The following GPAT3 variants were observed in gnomAD, a reference collection of about 807,000 sequenced individuals.
GPAT3 encodes the protein 1-AGP acyltransferase 9.
In GPAT3, 53 loss-of-function variants were observed where a neutral mutation model predicts 58.8. The observed-to-expected ratio is 0.90, with a 90% CI of 0.72 to 1.13. The LOEUF (loss-of-function observed/expected upper bound fraction) is 1.13. Ranked by LOEUF, GPAT3 falls within the 50% of genes most tolerant of loss-of-function variation. GPAT3 has a pLI of 0.00. For synonymous variants in GPAT3, 197 were observed against 187.4 expected, an observed-to-expected ratio of 1.05 and a Z score of -0.42; for missense variants, 511 against 527.6, an observed-to-expected ratio of 0.97 and a Z score of 0.31.
At chr4:83,567,179 T>C (rs1725429817) in intron 2 of GPAT3, among the ~76,000 whole-genome samples, 1 of 152,188 alleles carries the variant, frequency 6.6e-6, no homozygotes, top group African/African-American at 2.4e-5. Context: ...TGCTGGCTGA[T>C]ACTCCCTGCA....
At chr4:83,595,206 A>T in intron 7 of GPAT3, 1 of 299,080 alleles carries the variant, frequency 3.3e-6, no homozygotes. Context: ...ACTTAGATAT[A>T]GTCCAGTCAC....
chr4:83,540,111 C>T (rs1724239917), intron 1 of GPAT3, among the ~76,000 whole-genome samples: 1 of 147,826 alleles, frequency 6.8e-6, no homozygotes, highest in African/African-American at 2.5e-5. Flanking sequence ...GAGCCAAGAT[C>T]ACGCCACTGC....
intron 6 of GPAT3, among the ~76,000 whole-genome samples, chr4:83,592,285 C>G (rs534162340): frequency 6.6e-6 from 1 of 152,274 alleles, no homozygotes; most frequent in African/African-American, 2.4e-5. Flanking sequence ...TAACTGTAAA[C>G]TGTCCAGTGG....
At chr4:83,535,889 G>A, upstream of GPAT3, 1 of 985,542 alleles carries the variant, frequency 1.0e-6, no homozygotes, top group Non-Finnish European at 1.2e-6. Context: ...TCATTCTGCG[G>A]GTGAAGAAAA....
rs369674152 is a variant in GPAT3, at chr4:83,567,669, A to C, written c.209-13893A>C. Among the ~76,000 whole-genome samples the C allele has an allele frequency of 2.2e-4, 33 of 152,230 alleles. No homozygotes were observed. In the East Asian group the frequency reaches 6.0e-3, roughly 28 times the overall value. ...AGGTCTGGGCCAGGAGTGGTGGCTT[A>C]TGCCTGTAATCCTAGCACTTTGGGA... On this transcript the variant is annotated intron_variant, in intron 2 of 11. Coordinates refer to ENST00000264409, the MANE Select transcript of GPAT3 (RefSeq NM_032717.5).
Position 83,596,908 on chromosome 4 carries a change from C to A in GPAT3, c.905C>A (p.Pro302His). ...DKKKLPILIF[P>H]EGTCINNTSV... ...AAGAAACTACCCATACTAATTTTTCCTGAAGGTAAGAATGGGCCTGCCTCC... is the reference window on the plus strand; with the variant it reads ...AAGAAACTACCCATACTAATTTTTCATGAAGGTAAGAATGGGCCTGCCTCC... The change falls in exon 8 of 12, where the codon CCT becomes CAT. Residue 302 changes from proline (P) to histidine (H), a missense_variant. Physicochemically the swap from Pro to His is moderately conservative, Grantham distance 77 (BLOSUM62 -2). Transcript: ENST00000264409. The A allele has an allele frequency of 1.2e-6, 2 of 1,600,198 alleles. No homozygotes were observed. The highest frequency in any genetic ancestry group is 1.7e-6 in the Non-Finnish European group (2 of 1,176,118).
rs1727222860 is a variant in GPAT3 at position 83,605,569 on chromosome 4, G to T, written c.*802G>T. On this transcript the variant is annotated 3_prime_UTR_variant, in exon 12 of 12. Coordinates refer to ENST00000264409, the MANE Select transcript of GPAT3 (RefSeq NM_032717.5). ...CCTTAAAAAAAAAAAATCACATTGA[G>T]TAACTTCAGTATGAATGAATGAGAG... 6.6e-6 allele frequency: 1 copy of T among 151,926 alleles called. No individual in the cohort carries two copies. Among genetic ancestry groups the T allele is most frequent in the South Asian group, 2.1e-4 (1 of 4,814 alleles). 9.4% of individuals were successfully genotyped at this position (151,926 alleles called of 1,614,324 possible). A position where few individuals can be genotyped will look rare whatever the true frequency, so the allele number is the denominator to read the frequency against.
Position 83,597,531 on chromosome 4 carries a change from TA to T in GPAT3, c.996+18del. The T allele has an allele frequency of 1.4e-6, 2 of 1,396,910 alleles. No individual in the cohort carries two copies. The highest frequency in any genetic ancestry group is 1.9e-6 in the Non-Finnish European group (2 of 1,025,810). 86.5% of individuals were successfully genotyped at this position (1,396,910 alleles called of 1,614,324 possible). A position where few individuals can be genotyped will look rare whatever the true frequency, so the allele number is the denominator to read the frequency against. Reference sequence around the variant, plus strand: ...TGCAATTAAGGTAAAACAGATACCATAATAAGAATAATAATTATTATAAAGA... The same window carrying T: ...TGCAATTAAGGTAAAACAGATACCATATAAGAATAATAATTATTATAAAGA... On this transcript the variant is annotated intron_variant, in intron 9 of 11. Transcript: ENST00000264409.
Position 83,543,227 on chromosome 4 carries a change from G to A in GPAT3, c.142-1309G>A, listed in dbSNP as rs968757384. ...AGGTGGGAGGATTGCTTCAGCCTGG[G>A]AGGTCAAGGCAGCAGCAAGCCCCTG... On this transcript the variant is annotated intron_variant, in intron 1 of 11. Coordinates refer to ENST00000264409, the MANE Select transcript of GPAT3 (RefSeq NM_032717.5). 2.0e-5 allele frequency among the ~76,000 whole-genome samples: 3 copies of A among 151,968 alleles called. No homozygotes were observed. In the East Asian group the frequency reaches 5.8e-4, roughly 29 times the overall value.
At chr4:83,551,995 A>G (rs1724773965) in intron 2 of GPAT3, among the ~76,000 whole-genome samples, 2 of 152,132 alleles carry the variant, frequency 1.3e-5, no homozygotes, top group Non-Finnish European at 1.5e-5. Context: ...GACAGTTAGA[A>G]CTAGTTATAT....
rs566517372 is a variant in GPAT3, at chr4:83,561,177, C to T, written c.208+16575C>T. Among the ~76,000 whole-genome samples, 75 of 152,254 alleles carry T rather than the reference C, an allele frequency of 4.9e-4. 3 individuals carry two copies. In the South Asian group the frequency reaches 0.015, roughly 31 times the overall value. ...ATGATTTCTAACATCCTTTTGCAAC[C>T]AGCAGTACTCTCTTGGTTTAAGTGG... On this transcript the variant is annotated intron_variant, in intron 2 of 11. Coordinates refer to ENST00000264409, the MANE Select transcript of GPAT3 (RefSeq NM_032717.5).
chr4:83,583,646 G>A (rs1187364132), intron 3 of GPAT3, among the ~76,000 whole-genome samples: 1 of 111,372 alleles, frequency 9.0e-6, no homozygotes, highest in Non-Finnish European at 1.7e-5. Flanking sequence ...CAGCCTGGGT[G>A]ACAGAGCGAG....
chr4:83,550,629 T>A (rs1724717935), intron 2 of GPAT3, among the ~76,000 whole-genome samples: 1 of 152,232 alleles, frequency 6.6e-6, no homozygotes, highest in Non-Finnish European at 1.5e-5. Context: ...AATGCTATTA[T>A]CCCTTTAGCA....
At chr4:83,593,157 G>A (rs1225708669) in intron 6 of GPAT3, among the ~76,000 whole-genome samples, 2 of 104,780 alleles carry the variant, frequency 1.9e-5, no homozygotes, top group East Asian at 6.6e-4. Flanking sequence ...GTGAGCCACC[G>A]AGCCAGGACT....
intron 2 of GPAT3, among the ~76,000 whole-genome samples, chr4:83,574,560 G>C (rs1725715843): frequency 7.0e-6 from 1 of 142,608 alleles, no homozygotes. Flanking sequence ...AGCATTTGGT[G>C]TAAGAACAAA....
intron 4 of GPAT3, among the ~76,000 whole-genome samples, chr4:83,587,670 CT>C (rs1726429806): frequency 1.3e-5 from 2 of 152,180 alleles, no homozygotes; most frequent in African/African-American, 2.4e-5. Flanking sequence ...TTGTGATTTG[CT>C]TTCCTTGGCC....
At chr4:83,590,546 C>G (rs1233916887) in intron 6 of GPAT3, among the ~76,000 whole-genome samples, 1 of 152,148 alleles carries the variant, frequency 6.6e-6, no homozygotes, top group East Asian at 1.9e-4. Context: ...CTTAATAGGA[C>G]CTTGTAAAGT....
Position 83,571,719 on chromosome 4 carries a change from CACACAT to C in GPAT3, c.209-9841_209-9836del, listed in dbSNP as rs1560616370. Among the ~76,000 whole-genome samples, 12 of 101,962 alleles carry C rather than the reference CACACAT, an allele frequency of 1.2e-4. No individual in the cohort carries two copies. In the East Asian group the frequency reaches 2.0e-3, roughly 17 times the overall value. 66.9% of individuals were successfully genotyped at this position (101,962 alleles called of 152,430 possible). A position where few individuals can be genotyped will look rare whatever the true frequency, so the allele number is the denominator to read the frequency against. On this transcript the variant is annotated intron_variant, in intron 2 of 11. Coordinates refer to ENST00000264409, the MANE Select transcript of GPAT3 (RefSeq NM_032717.5). ...ATATACACACACACATATATATACA[CACACAT>C]ATATATATATACACGCATATATATA...
At chr4:83,542,587 G>T (rs1417430273) in intron 1 of GPAT3, among the ~76,000 whole-genome samples, 1 of 152,134 alleles carries the variant, frequency 6.6e-6, no homozygotes, top group Non-Finnish European at 1.5e-5. Flanking sequence ...TACGTTTTAG[G>T]TTATTTATTC....
Sources: gnomAD v4.1 joint callset for allele counts (sites outside exome capture counted in the v4.1 genomes callset) on GRCh38, gnomAD v4.1.1 for gene constraint, MANE v1.5 for transcripts, NCBI Gene and HGNC (gene_info 2026-07-23, HGNC 2026-07-21) for gene names.